TPRG1: variants seen among roughly 807,000 people sequenced by gnomAD.
TPRG1 encodes the protein tumor protein p63 regulated 1, also known as tumor protein p63-regulated gene 1 protein.
TPRG1 carries 29 observed loss-of-function variants against 29.3 expected under a neutral mutation model. That is an observed-to-expected ratio of 0.99 (90% CI 0.74 to 1.35). The LOEUF (loss-of-function observed/expected upper bound fraction) is 1.35. Among genes scored for constraint, TPRG1 ranks in the 40% most tolerant of loss-of-function variants. TPRG1 has a pLI of 0.00. For missense variants in TPRG1, 327 were observed against 335.0 expected, an observed-to-expected ratio of 0.98 and a Z score of 0.19; for synonymous variants, 130 against 116.8, an observed-to-expected ratio of 1.11 and a Z score of -0.73.
intron 4 of TPRG1, among the ~76,000 whole-genome samples, chr3:189,302,578 G>A (rs1721007656): frequency 6.6e-6 from 1 of 152,198 alleles, no homozygotes; most frequent in African/African-American, 2.4e-5. Context: ...TGGAAAGAAA[G>A]TTATCACTTT....
chr3:189,249,124 T>TTATA (rs142747127), intron 4 of TPRG1, among the ~76,000 whole-genome samples: 1 of 150,474 alleles, frequency 6.6e-6, no homozygotes, highest in African/African-American at 2.4e-5. Flanking sequence ...AATAAATGTT[T>TTATA]TATATATATA....
intron 4 of TPRG1, among the ~76,000 whole-genome samples, chr3:189,283,093 G>A (rs1005093737): frequency 6.6e-6 from 1 of 152,140 alleles, no homozygotes; most frequent in African/African-American, 2.4e-5. Flanking sequence ...CCACTCTCAA[G>A]GTGAAATAAT....
intron 4 of TPRG1, among the ~76,000 whole-genome samples, chr3:189,273,065 ACT>A (rs1715501379): frequency 6.6e-6 from 1 of 151,958 alleles, no homozygotes; most frequent in African/African-American, 2.4e-5. Context: ...GGCCTCTCTG[ACT>A]CTGGTAGAAT....
At chr3:189,137,507 G>A (rs1723921257) in intron 3 of TPRG1, among the ~76,000 whole-genome samples, 1 of 152,156 alleles carries the variant, frequency 6.6e-6, no homozygotes, top group Non-Finnish European at 1.5e-5. Context: ...AGTGTTTGAT[G>A]TGAGCATCCA....
At chr3:189,078,806 C>A (rs761357520) in intron 4 of TPRG1, among the ~76,000 whole-genome samples, 2 of 152,132 alleles carry the variant, frequency 1.3e-5, no homozygotes, top group African/African-American at 2.4e-5. Flanking sequence ...GAGTCTATGT[C>A]TTTATTTAAC....
At chr3:189,264,600 A>G (rs557154934) in intron 4 of TPRG1, among the ~76,000 whole-genome samples, 1 of 152,232 alleles carries the variant, frequency 6.6e-6, no homozygotes, top group East Asian at 1.9e-4. Flanking sequence ...AAGTGGGTTA[A>G]ATTATTCTTC....
chr3:189,048,492 C>G (rs1363110755), intron 4 of TPRG1, among the ~76,000 whole-genome samples: 1 of 152,126 alleles, frequency 6.6e-6, no homozygotes, highest in Non-Finnish European at 1.5e-5. Flanking sequence ...GCATTAATCC[C>G]TAAAAAGATG....
chr3:189,008,064 G>GAAA (rs34297763), intron 3 of TPRG1, among the ~76,000 whole-genome samples: 1 of 92,644 alleles, frequency 1.1e-5, no homozygotes, highest in African/African-American at 3.5e-5. Flanking sequence ...AGAAAAGAAA[G>GAAA]AAAAAAAAAA....
chr3:189,284,213 T>C (rs78691681), intron 4 of TPRG1, among the ~76,000 whole-genome samples: 2 of 137,784 alleles, frequency 1.5e-5, no homozygotes, highest in Non-Finnish European at 3.2e-5. Flanking sequence ...TTTTTTTTTT[T>C]ATTATACTTT....
intron 4 of TPRG1, among the ~76,000 whole-genome samples, chr3:189,029,891 A>T (rs1336156042): frequency 6.6e-6 from 1 of 152,118 alleles, no homozygotes; most frequent in Non-Finnish European, 1.5e-5. Context: ...GCCTTCCGCT[A>T]TGATTGGAAG....
intron 2 of TPRG1, among the ~76,000 whole-genome samples, chr3:189,210,357 A>G (rs1043176550): frequency 1.3e-5 from 2 of 152,206 alleles, no homozygotes; most frequent in Admixed American, 6.5e-5. Context: ...GTAATAGGAA[A>G]CAACATTAAG....
chr3:189,009,072 A>C (rs1712457786), intron 3 of TPRG1, among the ~76,000 whole-genome samples: 1 of 152,084 alleles, frequency 6.6e-6, no homozygotes, highest in African/African-American at 2.4e-5. Flanking sequence ...CATAGAACTA[A>C]TTGTTTACCC....
At chr3:189,246,230 CCCTTTGCTCCT>C (rs1560600796) in intron 4 of TPRG1, among the ~76,000 whole-genome samples, 1 of 152,070 alleles carries the variant, frequency 6.6e-6, no homozygotes, top group Non-Finnish European at 1.5e-5. Context: ...TGTAAGACGT[CCCTTTGCTCCT>C]CCTTCACCTT....
At chr3:189,061,734 G>A (rs111264096) in intron 4 of TPRG1, among the ~76,000 whole-genome samples, 1,970 of 152,254 alleles carry the variant, frequency 0.013, 50 homozygotes, top group African/African-American at 0.046. Context: ...AAACCACAAC[G>A]AGATGCCATC....
Position 189,225,716 on chromosome 3 carries a change from A to G in TPRG1, c.302+10333A>G, listed in dbSNP as rs142642333. Among the ~76,000 whole-genome samples the G allele has an allele frequency of 4.6e-3, 658 of 142,158 alleles. 2 individuals are homozygous for G. The highest frequency in any genetic ancestry group is 0.014 in the African/African-American group (576 of 39,758). The allele number at this position is 142,158 out of a possible 152,430, so 93.3% of individuals were successfully genotyped here. A position where few individuals can be genotyped will look rare whatever the true frequency, so the allele number is the denominator to read the frequency against. The stretch of plus-strand genomic sequence containing the variant: ...CCTGGGTTGTGCCAAAATGTCCTGT[A>G]GGGAGGGTAGGGTGGGTTTAAGAAG... On this transcript the variant is annotated intron_variant, in intron 3 of 5. Transcript: ENST00000345063.
chr3:189,311,781 C>G (rs78081611), intron 5 of TPRG1, among the ~76,000 whole-genome samples: 4,131 of 152,180 alleles, frequency 0.027, 105 homozygotes, highest in Non-Finnish European at 0.041. Context: ...TCAAATTTCT[C>G]AACCCAAGCC....
intron 3 of TPRG1, among the ~76,000 whole-genome samples, chr3:189,017,199 G>A (rs1712985733): frequency 4.0e-5 from 2 of 50,410 alleles, no homozygotes; most frequent in Admixed American, 3.2e-4. Flanking sequence ...TTTGAGCTCT[G>A]AGATTCTTTT....
At chr3:189,284,511 G>A (rs527355562) in intron 4 of TPRG1, among the ~76,000 whole-genome samples, 2 of 151,944 alleles carry the variant, frequency 1.3e-5, no homozygotes, top group African/African-American at 4.8e-5. Context: ...AGCTTCATCT[G>A]TGTCCCTACA....
intron 5 of TPRG1, among the ~76,000 whole-genome samples, chr3:189,159,206 G>A (rs773704628): frequency 7.9e-5 from 12 of 151,924 alleles, no homozygotes; most frequent in African/African-American, 2.2e-4. Context: ...ATGATAATTC[G>A]TTTGAGCCAT....
Sources: allele counts gnomAD v4.1 joint callset (sites outside exome capture counted in the v4.1 genomes callset), GRCh38; gene constraint gnomAD v4.1.1; transcripts MANE v1.5; gene names NCBI Gene and HGNC (gene_info 2026-07-23, HGNC 2026-07-21).